CCDC39: variants seen among roughly 807,000 people sequenced by gnomAD.
CCDC39 encodes the protein coiled-coil domain-containing protein 39.
Under a neutral mutation model 121.0 loss-of-function variants are expected in CCDC39, and 113 were observed. The ratio of observed to expected loss-of-function variants is 0.93; its 90% CI spans 0.80 to 1.09. The LOEUF is 1.09. CCDC39 is among the 50% of genes least tolerant of loss of function. The pLI, the probability that CCDC39 is intolerant of heterozygous loss-of-function variation, is 0.00. For missense variants in CCDC39, 1,063 were observed against 1,074.7 expected, an observed-to-expected ratio of 0.99 and a Z score of 0.15; for synonymous variants, 349 against 352.2, an observed-to-expected ratio of 0.99 and a Z score of 0.10.
At chr3:180,672,786 T>C (rs1365067662) in intron 1 of CCDC39, among the ~76,000 whole-genome samples, 1 of 152,220 alleles carries the variant, frequency 6.6e-6, no homozygotes, top group African/African-American at 2.4e-5. Flanking sequence ...CTGCCATAGA[T>C]AGTGATTCCT....
chr3:180,631,700 C>CA, intron 13 of CCDC39, 108 bp from the exon 14 acceptor site: 1 of 873,210 alleles, frequency 1.1e-6, no homozygotes, highest in Non-Finnish European at 1.7e-6. Flanking sequence ...CTACTAAACT[C>CA]AAACAGGTTA....
intron 13 of CCDC39, among the ~76,000 whole-genome samples, chr3:180,637,836 C>A (rs1397612290): frequency 6.6e-6 from 1 of 152,142 alleles, no homozygotes; most frequent in Non-Finnish European, 1.5e-5. Context: ...GAACAGAAAA[C>A]CAAACACTGC....
chr3:180,651,869 C>A (rs1711500144), intron 8 of CCDC39, among the ~76,000 whole-genome samples: 1 of 152,178 alleles, frequency 6.6e-6, no homozygotes, highest in South Asian at 2.1e-4. Flanking sequence ...AACCCCGTCT[C>A]TAATAAAAAT....
rs1008452704 is a variant in CCDC39 at position 180,629,586 on chromosome 3, C to A, written c.1998+1883G>T. On this transcript the variant is annotated intron_variant, in intron 14 of 19. Transcript: ENST00000476379. Reference sequence around the variant, plus strand: ...GTTTGCTTTTCTCTATTTTTCAGGCCATAATTTTTCCTGATATAAGCTAGA... The same window carrying A: ...GTTTGCTTTTCTCTATTTTTCAGGCAATAATTTTTCCTGATATAAGCTAGA... 4.6e-5 allele frequency among the ~76,000 whole-genome samples: 7 copies of A among 152,258 alleles called. No individual in the cohort carries two copies. In the South Asian group the frequency reaches 1.2e-3, roughly 27 times the overall value.
At chr3:180,679,000 C>T (rs1712315858) in intron 1 of CCDC39, among the ~76,000 whole-genome samples, 1 of 152,144 alleles carries the variant, frequency 6.6e-6, no homozygotes, top group Non-Finnish European at 1.5e-5. Context: ...CCTTTCCTCT[C>T]TCGCCAGGAG....
chr3:180,661,248 A>G (rs1711735185), intron 3 of CCDC39, among the ~76,000 whole-genome samples: 2 of 152,050 alleles, frequency 1.3e-5, no homozygotes, highest in South Asian at 4.1e-4. Context: ...ATATTTAGTC[A>G]CTTAACAAAT....
At chr3:180,651,833 C>T (rs536640329) in intron 8 of CCDC39, among the ~76,000 whole-genome samples, 10 of 152,186 alleles carry the variant, frequency 6.6e-5, no homozygotes, top group Admixed American at 3.3e-4. Context: ...GTCAGGAGAT[C>T]AAGACCATCC....
At chr3:180,677,215 T>TAA (rs1553807789) in intron 1 of CCDC39, among the ~76,000 whole-genome samples, 3 of 110,426 alleles carry the variant, frequency 2.7e-5, no homozygotes, top group African/African-American at 6.7e-5. Context: ...TATATATATA[T>TAA]AAAATCACAG....
chr3:180,659,153 G>A (rs2108428531), intron 6 of CCDC39, among the ~76,000 whole-genome samples: 1 of 152,258 alleles, frequency 6.6e-6, no homozygotes, highest in Admixed American at 6.5e-5. Flanking sequence ...ACCTTGGACA[G>A]CCATGTGTAA....
At chr3:180,637,935 G>T (rs1331277876) in intron 13 of CCDC39, among the ~76,000 whole-genome samples, 2 of 152,002 alleles carry the variant, frequency 1.3e-5, no homozygotes, top group African/African-American at 4.8e-5. Context: ...GTGGGTGGAG[G>T]GTGAAAGGAG....
chr3:180,621,556 C>A (rs1381952810), intron 14 of CCDC39, among the ~76,000 whole-genome samples: 1 of 152,068 alleles, frequency 6.6e-6, no homozygotes, highest in African/African-American at 2.4e-5. Flanking sequence ...AAAATGCCTA[C>A]TCATGTCCTT....
intron 13 of CCDC39, among the ~76,000 whole-genome samples, chr3:180,640,706 T>C (rs1717935022): frequency 6.6e-6 from 1 of 151,902 alleles, no homozygotes; most frequent in East Asian, 1.9e-4. Flanking sequence ...TAGAGAAAAA[T>C]AGAATTTACC....
rs372021120 is a variant in CCDC39, at chr3:180,652,148, T to C, written c.1034+15A>G. The C allele has an allele frequency of 1.1e-5, 14 of 1,249,772 alleles. No homozygotes were observed. The highest frequency in any genetic ancestry group is 1.5e-5 in the South Asian group (1 of 68,282). The allele number at this position is 1,249,772 out of a possible 1,614,324, so 77.4% of individuals were successfully genotyped here. On this transcript the variant is annotated intron_variant, in intron 8 of 19. Coordinates refer to ENST00000476379, the MANE Select transcript of CCDC39 (RefSeq NM_181426.2). ...AAAAATAATCATAAACATATTTAGA[T>C]AGTTTTTTTCTTACCTTGCTGTTTC...
chr3:180,644,237 C>T lies in CCDC39; in HGVS notation c.1548G>A (p.Lys516=). 6.6e-7 allele frequency: 1 copy of T among 1,524,328 alleles called. No homozygotes were observed. Among genetic ancestry groups the T allele is most frequent in the Non-Finnish European group, 8.8e-7 (1 of 1,135,886 alleles). The allele number at this position is 1,524,328 out of a possible 1,614,324, so 94.4% of individuals were successfully genotyped here. The change falls in exon 12 of 20, where the codon AAG becomes AAA. Residue 516 remains lysine, a synonymous_variant. Transcript: ENST00000476379. ...KKLHNDLYFI[K]KAHSKNSDEK... ...CATCACTGTTTTTACTATGTGCCTT[C>T]TTGATAAAATAAAGATCATTCTGCA...
intron 13 of CCDC39, among the ~76,000 whole-genome samples, chr3:180,633,473 TTGCAAATAAG>T (rs774127501): frequency 7.9e-5 from 12 of 152,154 alleles, no homozygotes; most frequent in Non-Finnish European, 1.5e-4. Context: ...ATAACAGTGC[TTGCAAATAAG>T]TTTTCTTCTT....
Position 180,616,368 on chromosome 3 carries a change from A to T in CCDC39, c.2587-5T>A, listed in dbSNP as rs746715780. On this transcript the variant is annotated splice_polypyrimidine_tract_variant and splice_region_variant and intron_variant, in intron 18 of 19. Coordinates refer to ENST00000476379, the MANE Select transcript of CCDC39 (RefSeq NM_181426.2). ...TGTAGGTAGTTCTAACCCACTCTGG[A>T]GGAATATTCAATAGCAATCATTAGT... is the stretch of plus-strand genomic sequence containing the variant. 5 of 1,607,854 alleles carry T rather than the reference A, an allele frequency of 3.1e-6. No homozygotes were observed. The African/African-American group carries it at 5.3e-5, about 17-fold the overall frequency.
chr3:180,651,137 G>A (rs1006209309), intron 9 of CCDC39, among the ~76,000 whole-genome samples: 8 of 152,074 alleles, frequency 5.3e-5, no homozygotes, highest in East Asian at 1.9e-4. Context: ...GGAGGTTGCA[G>A]TGAGCCAAGA....
chr3:180,631,858 C>T (rs1717705739), intron 13 of CCDC39, among the ~76,000 whole-genome samples: 1 of 152,164 alleles, frequency 6.6e-6, no homozygotes, highest in Non-Finnish European at 1.5e-5. Context: ...CTGATATTTA[C>T]CCTACTTGAA....
Position 180,648,243 on chromosome 3 carries a change from G to T in CCDC39, c.1284C>A (p.Ser428=), listed in dbSNP as rs1329224451. 3 of 1,613,434 alleles carry T rather than the reference G, an allele frequency of 1.9e-6. No individual in the cohort carries two copies. The highest frequency in any genetic ancestry group is 2.5e-6 in the Non-Finnish European group (3 of 1,179,614). ...AVLSEIEGTR[S]SLKHLNHQLQ... is the part of the protein sequence containing the mutation. ...ACTGATGGTTGAGATGTTTCAGAGA[G>T]GAACGAGTTCCTTCAATTTCTGATA... Residue 428 remains serine (S), a synonymous_variant, in exon 10 of 20, where the codon TCC becomes TCA. Coordinates refer to ENST00000476379, the MANE Select transcript of CCDC39 (RefSeq NM_181426.2).
Sources: gnomAD v4.1 joint callset for allele counts (sites outside exome capture counted in the v4.1 genomes callset) on GRCh38, gnomAD v4.1.1 for gene constraint, MANE v1.5 for transcripts, NCBI Gene and HGNC (gene_info 2026-07-23, HGNC 2026-07-21) for gene names.